Variants in TEAD2 observed in about 807,000 individuals in gnomAD.
TEAD2 encodes TEA domain transcription factor 2.
In TEAD2, 51 loss-of-function variants were observed where a neutral mutation model predicts 61.4. The observed-to-expected ratio is 0.83, with a 90% CI of 0.66 to 1.05. TEAD2 has a LOEUF of 1.05. TEAD2 is among the 50% of genes least tolerant of loss of function. The probability of loss-of-function intolerance (pLI) is 0.00; values close to 1 mark genes in which losing one functional copy is unlikely to be tolerated. For synonymous variants in TEAD2, 244 were observed against 243.2 expected (o/e 1.00, Z -0.03); for missense variants, 509 against 600.0 (o/e 0.85, Z 1.58).
chr19:49,357,898 G>A (rs2146598321), intron 3 of TEAD2: 1 of 155,400 alleles, frequency 6.4e-6, no homozygotes, highest in South Asian at 2.0e-4. Flanking sequence ...AGGAGTTCAA[G>A]ACCAGCCTGG....
In TEAD2 at chr19:49,360,152, GGGACTCT is replaced by G. The variant is rs372143759; in HGVS notation, c.-6-78_-6-72del. The G allele has an allele frequency of 7.8e-6, 10 of 1,283,610 alleles. No homozygotes were observed. The African/African-American group carries it at 1.3e-4, about 17-fold the overall frequency. The allele number at this position is 1,283,610 out of a possible 1,614,324, so 79.5% of individuals were successfully genotyped here. On this transcript the variant is annotated intron_variant, in intron 1 of 12. Transcript: ENST00000593945. ...CAAGGGACTTGAAGCTGAGAGGGCT[GGGACTCT>G]GGACCACTGGGTCTGAGGGAGGAGG...
intron 3 of TEAD2, chr19:49,357,630 A>T (rs1696926028): frequency 2.2e-6 from 1 of 453,294 alleles, no homozygotes; most frequent in Non-Finnish European, 4.1e-6. Context: ...ACACGAACAG[A>T]CATGCTGATA....
chr19:49,343,400 T>G lies in TEAD2; in HGVS notation c.922-2A>C. The G allele has an allele frequency of 6.2e-7, 1 of 1,601,866 alleles. No individual in the cohort carries two copies. The highest frequency in any genetic ancestry group is 8.5e-7 in the Non-Finnish European group (1 of 1,175,872). On this transcript the variant is annotated splice_acceptor_variant, in intron 10 of 12. Coordinates refer to ENST00000593945, the MANE Select transcript of TEAD2 (RefSeq NM_001256660.2). LOFTEE classifies it high-confidence loss of function. ...ACTTGGGCCCCAGTTCAGGTCCGCC[T>G]GGGAGATGGGAAGGCACAGATGAGT...
intron 3 of TEAD2, 75 bp from the exon 4 acceptor site, chr19:49,357,389 A>C (rs545094525): frequency 1.4e-6 from 2 of 1,471,830 alleles, no homozygotes; most frequent in Non-Finnish European, 1.9e-6. Context: ...CTCTCCCTCC[A>C]GGTGCCTCAC....
chr19:49,343,503 G>A (rs1299899239), intron 10 of TEAD2, 105 bp from the exon 11 acceptor site: 57 of 1,324,058 alleles, frequency 4.3e-5, no homozygotes, highest in Non-Finnish European at 5.6e-5. Context: ...ACTTTGGGAG[G>A]CCGAGGCGGG....
At chr19:49,350,596 A>G (rs924061446) in intron 8 of TEAD2, among the ~76,000 whole-genome samples, 2 of 152,000 alleles carry the variant, frequency 1.3e-5, no homozygotes, top group Non-Finnish European at 2.9e-5. Flanking sequence ...AGGCCTCCCA[A>G]AGTGCTGGGA....
chr19:49,347,215 T>TG lies in TEAD2; in HGVS notation c.895dup (p.His299ProfsTer19), dbSNP rs763321097. ...CCAGAACTTGACCAGGAAGAAGGCA[T>TG]GGGGGGGGCCACGATCATATAGCTC... On this transcript the variant is annotated frameshift_variant, in exon 10 of 13. Coordinates refer to ENST00000593945, the MANE Select transcript of TEAD2 (RefSeq NM_001256660.2). LOFTEE classifies it high-confidence loss of function. 4.5e-5 allele frequency: 72 copies of TG among 1,611,840 alleles called. 1 individual carries two copies. Among genetic ancestry groups the TG allele is most frequent in the East Asian group, 8.9e-5 (4 of 44,826 alleles).
At chr19:49,348,027 G>C (rs1210147398) in intron 9 of TEAD2, among the ~76,000 whole-genome samples, 1 of 152,178 alleles carries the variant, frequency 6.6e-6, no homozygotes, top group Admixed American at 6.5e-5. Flanking sequence ...ACACATCCAA[G>C]TCAGATTCCT....
chr19:49,360,202 C>A (rs1430852692), intron 1 of TEAD2, 121 bp from the exon 2 acceptor site: 1 of 763,586 alleles, frequency 1.3e-6, no homozygotes, highest in Non-Finnish European at 2.1e-6. Flanking sequence ...GACCTGGACT[C>A]CTGGGTCTGA....
chr19:49,343,620 T>G (rs1032916611), intron 10 of TEAD2, among the ~76,000 whole-genome samples: 1 of 151,772 alleles, frequency 6.6e-6, no homozygotes, highest in East Asian at 1.9e-4. Context: ...ATGCTTGTAA[T>G]CCCAGCTACT....
intron 1 of TEAD2, chr19:49,361,274 G>GGGGACAGAGACCCAGAGAGAGAGGGT (rs1972901605): frequency 6.6e-6 from 1 of 151,560 alleles, no homozygotes; most frequent in South Asian, 2.1e-4. Flanking sequence ...AGAGAGAGAG[G>GGGGACAGAGACCCAGAGAGAGAGGGT]GACAGAGACC....
chr19:49,348,898 T>A, intron 8 of TEAD2, 53 bp from the exon 9 acceptor site: 1 of 1,445,260 alleles, frequency 6.9e-7, no homozygotes, highest in East Asian at 2.6e-5. Flanking sequence ...ATGGAATATA[T>A]CAGGTACTGT....
intron 7 of TEAD2, 71 bp downstream of exon 7, chr19:49,355,077 G>T: frequency 1.7e-6 from 2 of 1,149,328 alleles, no homozygotes; most frequent in South Asian, 1.3e-5. Context: ...GCTAGAAGGT[G>T]GAGTGAGAAA....
intron 8 of TEAD2, among the ~76,000 whole-genome samples, chr19:49,351,013 T>C (rs377017678): frequency 3.9e-5 from 6 of 151,936 alleles, no homozygotes; most frequent in East Asian, 3.9e-4. Flanking sequence ...ACCCGATCTC[T>C]ACTAAAAATA....
At position 49,357,263 on chromosome 19, in the gene TEAD2, A is replaced by C; in HGVS notation, c.349T>G (p.Ser117Ala). 1 of 1,556,844 alleles carries C rather than the reference A, an allele frequency of 6.4e-7. No individual in the cohort carries two copies. Among genetic ancestry groups the C allele is most frequent in the African/African-American group, 1.4e-5 (1 of 71,030 alleles). Residue 117 changes from serine (S) to alanine (A), a missense_variant, in exon 4 of 13, where the codon TCC becomes GCC. By Grantham distance (99) the Ser-to-Ala change is moderately conservative. Transcript: ENST00000593945. Reference protein sequence around the residue: ...LARRKSREIQSKLKALNVDQV... With the variant: ...LARRKSREIQAKLKALNVDQV... ...GCATTGGTCCCTACCTTCAACTTGG[A>C]CTGGATTTCCCTTGATTTCCTTCGG...
rs1375977354 is a variant in TEAD2 at position 49,359,493 on chromosome 19, T to C, written c.239A>G (p.Asn80Ser). The C allele has an allele frequency of 6.2e-7, 1 of 1,613,960 alleles. No individual in the cohort carries two copies. The highest frequency in any genetic ancestry group is 8.5e-7 in the Non-Finnish European group (1 of 1,180,018). The change falls in exon 3 of 13, where the codon AAT (asparagine) becomes AGT (serine). Residue 80 changes from asparagine to serine, a missense_variant. Coordinates refer to ENST00000593945, the MANE Select transcript of TEAD2 (RefSeq NM_001256660.2). This position sits in a 1 kb window ranked among gnomAD's most constrained non-coding sequence, Gnocchi z 4.1. The stretch of plus-strand genomic sequence containing the variant: ...CTTGATGTAGCGGGCGATCAGTTCA[T>C]TCCGACCTGAAGATTCAAAGACGGA... Reference protein sequence around the residue: ...LSDEGKMYGRNELIARYIKLR... With the variant: ...LSDEGKMYGRSELIARYIKLR...
chr19:49,340,858 C>A lies in TEAD2; in HGVS notation c.*466G>T. 1 of 201,940 alleles carries A rather than the reference C, an allele frequency of 5.0e-6. No homozygotes were observed. The highest frequency in any genetic ancestry group is 1.0e-5 in the Non-Finnish European group (1 of 98,568). 12.5% of individuals were successfully genotyped at this position (201,940 alleles called of 1,614,324 possible). The stretch of plus-strand genomic sequence containing the variant: ...GGTTCATCTTCACTTTGTGATCTCA[C>A]AGGTCATGGAGTGAGGGTGGTAGAG... On this transcript the variant is annotated 3_prime_UTR_variant, in exon 13 of 13. Coordinates refer to ENST00000593945, the MANE Select transcript of TEAD2 (RefSeq NM_001256660.2).
intron 8 of TEAD2, 65 bp from the exon 9 acceptor site, chr19:49,348,910 G>A (rs189788978): frequency 3.2e-5 from 46 of 1,430,932 alleles, no homozygotes; most frequent in Non-Finnish European, 3.9e-5. Context: ...AGGTACTGTT[G>A]TCTCTTGCCT....
chr19:49,356,402 C>CAAAA, intron 4 of TEAD2: 1 of 141,920 alleles, frequency 7.0e-6, no homozygotes, highest in African/African-American at 2.8e-5. Context: ...AAAAAAAAAC[C>CAAAA]AGAAGCGACC....
Sources: allele counts gnomAD v4.1 joint callset (sites outside exome capture counted in the v4.1 genomes callset), GRCh38; gene constraint gnomAD v4.1.1; non-coding constraint Gnocchi (gnomAD v3.1); transcripts MANE v1.5; gene names NCBI Gene and HGNC (gene_info 2026-07-23, HGNC 2026-07-21).